The following NSD2 variants were observed in gnomAD, a reference collection of about 807,000 sequenced individuals.
NSD2 encodes the protein nuclear receptor binding SET domain protein 2.
NSD2 carries 12 observed loss-of-function variants against 139.0 expected under a neutral mutation model. The ratio of observed to expected loss-of-function variants is 0.09; its 90% confidence interval spans 0.06 to 0.14. The LOEUF is 0.14. Ranked by LOEUF, NSD2 falls within the 10% of genes least tolerant of loss-of-function variation. The pLI is 1.00. For synonymous variants in NSD2, 669 were observed against 648.7 expected (o/e 1.03, Z -0.48); for missense variants, 1,155 against 1,745.0 (o/e 0.66, Z 6.02).
chr4:1,876,076 A>G (rs769709812), intron 1 of NSD2, among the ~76,000 whole-genome samples: 1 of 141,274 alleles, frequency 7.1e-6, no homozygotes, highest in Non-Finnish European at 1.5e-5. Flanking sequence ...TAAGCTGGGC[A>G]TGGTTGCAGT....
intron 5 of NSD2, among the ~76,000 whole-genome samples, chr4:1,923,745 G>A (rs892756339): frequency 1.4e-4 from 21 of 152,172 alleles, no homozygotes; most frequent in Admixed American, 1.3e-3. Flanking sequence ...GCCCTTGCAC[G>A]CAGAGAGACC....
chr4:1,975,435 T>G, intron 20 of NSD2, 35 bp downstream of exon 20: 1 of 1,598,548 alleles, frequency 6.3e-7, no homozygotes, highest in Non-Finnish European at 8.6e-7. Context: ...CCCCAGGCTC[T>G]GTGTTGGCAT....
chr4:1,939,454 C>G, intron 8 of NSD2, 200 bp from the exon 9 acceptor site: 1 of 616,180 alleles, frequency 1.6e-6, no homozygotes, highest in Non-Finnish European at 2.8e-6. Flanking sequence ...GGCCAAGTAG[C>G]GAGGACATGG....
chr4:1,976,645 C>T lies in NSD2; in HGVS notation c.3792C>T (p.His1264=), dbSNP rs1246042106. ...CDRKFCTKAY[H]LSCLGLGKRP... ...GCAAGTTCTGCACCAAGGCCTACCACCTGTCCTGCCTGGGCCTTGGCAAGC... is the reference window on the plus strand; with the variant it reads ...GCAAGTTCTGCACCAAGGCCTACCATCTGTCCTGCCTGGGCCTTGGCAAGC... The change falls in exon 21 of 22, where the codon CAC becomes CAT. Residue 1264 remains histidine, a synonymous_variant. Transcript: ENST00000508803. This position sits in a 1 kb window ranked among gnomAD's most constrained non-coding sequence, Gnocchi z 5.3. The T allele has an allele frequency of 7.5e-6, 12 of 1,600,380 alleles. No homozygotes were observed.
chr4:1,975,883 G>A (rs541895641), intron 20 of NSD2, among the ~76,000 whole-genome samples: 1 of 152,274 alleles, frequency 6.6e-6, no homozygotes, highest in East Asian at 1.9e-4. Context: ...AGATCTCATT[G>A]ACAATGACCC....
Position 1,979,203 on chromosome 4 carries a change from C to CT in NSD2, c.*295dup, listed in dbSNP as rs1356184129. 5.9e-5 allele frequency: 21 copies of CT among 354,072 alleles called. No individual in the cohort carries two copies. The highest frequency in any genetic ancestry group is 9.6e-5 in the Non-Finnish European group (19 of 198,024). The allele number at this position is 354,072 out of a possible 1,614,324, so 21.9% of individuals were successfully genotyped here. ...CCGAATGTCAAGGTTCCCTCCCACT[C>CT]TATTTTTTTAGGTTAAAGTTAATTG... On this transcript the variant is annotated 3_prime_UTR_variant, in exon 22 of 22. Coordinates refer to ENST00000508803, the MANE Select transcript of NSD2 (RefSeq NM_001042424.3).
chr4:1,959,793 A>C, intron 17 of NSD2, 53 bp downstream of exon 17: 9 of 1,593,002 alleles, frequency 5.6e-6, no homozygotes, highest in Non-Finnish European at 7.7e-6. Context: ...TTCACTGGGT[A>C]ATTAGGCCTA....
In NSD2 at chr4:1,981,286, G is replaced by A. The variant is rs933238771; in HGVS notation, c.*2377G>A. On this transcript the variant is annotated 3_prime_UTR_variant, in exon 22 of 22. Coordinates refer to ENST00000508803, the MANE Select transcript of NSD2 (RefSeq NM_001042424.3). ...CCCGTTGATAACTCAGTGGAGCCAG[G>A]CTTTGGGGTAGCGGCCCTGAGCTTG... 3.4e-5 allele frequency: 8 copies of A among 233,214 alleles called. No individual in the cohort carries two copies. The highest frequency in any genetic ancestry group is 1.8e-4 in the African/African-American group (8 of 45,324). 14.4% of individuals were successfully genotyped at this position (233,214 alleles called of 1,614,324 possible).
intron 6 of NSD2, among the ~76,000 whole-genome samples, chr4:1,932,869 T>C (rs979932840): frequency 3.1e-4 from 47 of 152,326 alleles, no homozygotes; most frequent in African/African-American, 9.9e-4. Context: ...GAGGATGTGC[T>C]GTGTCAAGGA....
Position 1,976,434 on chromosome 4 carries a change from G to A in NSD2, c.3622-41G>A. 1.3e-6 allele frequency: 2 copies of A among 1,595,984 alleles called. No individual in the cohort carries two copies. Among genetic ancestry groups the A allele is most frequent in the Non-Finnish European group, 1.7e-6 (2 of 1,170,656 alleles). ...TTCTGCCCTATTTGCTTCAGCCTGT[G>A]TAATTCTTTCCGGTGATCTGTGCTT... On this transcript the variant is annotated intron_variant, in intron 20 of 21. Coordinates refer to ENST00000508803, the MANE Select transcript of NSD2 (RefSeq NM_001042424.3). This position sits in a 1 kb window ranked among gnomAD's most constrained non-coding sequence, Gnocchi z 5.3.
chr4:1,910,236 T>C (rs960820174), intron 3 of NSD2, among the ~76,000 whole-genome samples: 1 of 152,016 alleles, frequency 6.6e-6, no homozygotes, highest in Non-Finnish European at 1.5e-5. Context: ...GCTCAACCTT[T>C]TTTTTTTTCG....
rs1560666076 is a variant in NSD2, at chr4:1,925,774, T to TA, written c.1411-4852_1411-4851insA. On this transcript the variant is annotated intron_variant, in intron 5 of 21. Transcript: ENST00000508803. ...TCTTTTTATATATCTATATATATAT[T>TA]TTTTTTTGTTTGTTTGTTTGTTTGT... Among the ~76,000 whole-genome samples the TA allele has an allele frequency of 3.9e-4, 59 of 149,742 alleles. 1 individual carries two copies. Among genetic ancestry groups the TA allele is most frequent in the Non-Finnish European group, 2.4e-4 (16 of 67,766 alleles).
chr4:1,941,774 T>C (rs975613182), intron 9 of NSD2: 1 of 1,049,448 alleles, frequency 9.5e-7, no homozygotes, highest in African/African-American at 1.7e-5. Flanking sequence ...TTCATTTTTA[T>C]AGAATTATGC....
chr4:1,978,839 C>CA lies in NSD2; in HGVS notation c.4029dup (p.Glu1344ArgfsTer91). The CA allele has an allele frequency of 6.2e-7, 1 of 1,603,548 alleles. No homozygotes were observed. Among genetic ancestry groups the CA allele is most frequent in the Non-Finnish European group, 8.5e-7 (1 of 1,172,326 alleles). ...AGCACCAAGACTGAGAAGCCCCCCCCAGAGCCAGGGAAGCCGAAGGGGAAG... is the reference window on the plus strand; with the variant it reads ...AGCACCAAGACTGAGAAGCCCCCCCCAAGAGCCAGGGAAGCCGAAGGGGAAG... On this transcript the variant is annotated frameshift_variant, in exon 22 of 22. Transcript: ENST00000508803. LOFTEE classifies it high-confidence loss of function.
At position 1,978,893 on chromosome 4, in the gene NSD2, T is replaced by G; in HGVS notation, c.4082T>G (p.Val1361Gly). 1.9e-6 allele frequency: 3 copies of G among 1,558,550 alleles called. No individual in the cohort carries two copies. Among genetic ancestry groups the G allele is most frequent in the South Asian group, 2.4e-5 (2 of 84,466 alleles). The change falls in exon 22 of 22, where the codon GTC becomes GGC. Residue 1361 changes from valine to glycine, a missense_variant. Val to Gly is a moderately radical substitution (Grantham distance 109). Coordinates refer to ENST00000508803, the MANE Select transcript of NSD2 (RefSeq NM_001042424.3). ...CGGCGGCGGAGGGGCTGGCGGAGAG[T>G]CACAGAGGGCAAATAGCGCCAGGCG... ...KRRRRRGWRR[V>G]TEGK is the part of the protein sequence containing the mutation.
chr4:1,936,478 C>G (rs1722409812), intron 7 of NSD2, among the ~76,000 whole-genome samples: 1 of 152,098 alleles, frequency 6.6e-6, no homozygotes, highest in Non-Finnish European at 1.5e-5. Flanking sequence ...CAAGACCAGT[C>G]TGGCCAACAT....
chr4:1,893,062 A>G (rs1053446216), intron 1 of NSD2, among the ~76,000 whole-genome samples: 12 of 152,192 alleles, frequency 7.9e-5, no homozygotes, highest in African/African-American at 2.7e-4. Context: ...CTCCAGTACC[A>G]ATCTGATTCC....
At chr4:1,940,518 G>A in intron 9 of NSD2, 3 of 1,064,386 alleles carry the variant, frequency 2.8e-6, no homozygotes, top group South Asian at 9.1e-5. Flanking sequence ...TTTTTTGTTC[G>A]GAGGTAGTTT....
chr4:1,955,456 C>T lies in NSD2; in HGVS notation c.2518+116C>T, dbSNP rs971057684. ...TCATTGATGTTGACAGTGTTCTGTG[C>T]GTCTTCACGTTAATAGTATATCACA... On this transcript the variant is annotated intron_variant, in intron 13 of 21. Coordinates refer to ENST00000508803, the MANE Select transcript of NSD2 (RefSeq NM_001042424.3). The surrounding 1 kb of genome is among the most constrained non-coding windows in gnomAD (Gnocchi z 4.7). 27 of 1,342,336 alleles carry T rather than the reference C, an allele frequency of 2.0e-5. No individual in the cohort carries two copies. The Admixed American group carries it at 4.3e-4, about 21-fold the overall frequency. The allele number at this position is 1,342,336 out of a possible 1,614,324, so 83.2% of individuals were successfully genotyped here.
Sources: allele counts gnomAD v4.1 joint callset (sites outside exome capture counted in the v4.1 genomes callset), GRCh38; gene constraint gnomAD v4.1.1; non-coding constraint Gnocchi (gnomAD v3.1); transcripts MANE v1.5; gene names NCBI Gene and HGNC (gene_info 2026-07-23, HGNC 2026-07-21).